AKT3: variants seen among roughly 807,000 people sequenced by gnomAD.
AKT3 encodes AKT serine/threonine kinase 3.
Under a neutral mutation model 65.3 loss-of-function variants are expected in AKT3, and 15 were observed. The ratio of observed to expected loss-of-function variants is 0.23; its 90% CI spans 0.15 to 0.35. The LOEUF (loss-of-function observed/expected upper bound fraction) is 0.35, where lower values mean the gene tolerates loss of function less well. Ranked by LOEUF, AKT3 falls within the 10% of genes least tolerant of loss-of-function variation. The pLI is 1.00. For missense variants in AKT3, 243 were observed against 576.5 expected, an observed-to-expected ratio of 0.42 and a Z score of 5.92; for synonymous variants, 206 against 183.8, an observed-to-expected ratio of 1.12 and a Z score of -0.98.
At chr1:243,523,366 A>G (rs1015264006) in intron 12 of AKT3, among the ~76,000 whole-genome samples, 6 of 152,070 alleles carry the variant, frequency 3.9e-5, no homozygotes, top group African/African-American at 1.4e-4. Flanking sequence ...CTGGGCAGCT[A>G]AACATCAGAA....
At chr1:243,707,654 A>G (rs190842463) in intron 2 of AKT3, among the ~76,000 whole-genome samples, 33 of 152,248 alleles carry the variant, frequency 2.2e-4, no homozygotes, top group African/African-American at 7.9e-4. Flanking sequence ...GGTTTGTTAC[A>G]TGGATATACA....
intron 2 of AKT3, among the ~76,000 whole-genome samples, chr1:243,802,879 T>C (rs761676459): frequency 2.6e-5 from 4 of 152,198 alleles, no homozygotes; most frequent in Non-Finnish European, 1.5e-5. Flanking sequence ...CCAGGCACAG[T>C]GGCTCATGCC....
chr1:243,610,430 A>G (rs1677785709), intron 8 of AKT3, among the ~76,000 whole-genome samples: 1 of 152,248 alleles, frequency 6.6e-6, no homozygotes, highest in South Asian at 2.1e-4. Flanking sequence ...GTAAATAGGT[A>G]ATTGTAAAAC....
intron 4 of AKT3, among the ~76,000 whole-genome samples, chr1:243,652,511 C>A (rs1340374878): frequency 3.3e-5 from 5 of 151,998 alleles, no homozygotes; most frequent in Non-Finnish European, 7.4e-5. Flanking sequence ...ATTGAAAAGA[C>A]CATCAACACT....
intron 2 of AKT3, among the ~76,000 whole-genome samples, chr1:243,783,703 T>C (rs901167545): frequency 6.6e-6 from 1 of 152,224 alleles, no homozygotes; most frequent in African/African-American, 2.4e-5. Flanking sequence ...TATAGTCTTC[T>C]GACTGCTTGA....
intron 2 of AKT3, among the ~76,000 whole-genome samples, chr1:243,818,900 C>T (rs1693690935): frequency 6.6e-6 from 1 of 152,120 alleles, no homozygotes; most frequent in Admixed American, 6.5e-5. Flanking sequence ...TGCAATGGCC[C>T]ACATGGGAGC....
intron 2 of AKT3, among the ~76,000 whole-genome samples, chr1:243,819,318 G>T (rs931671788): frequency 6.6e-6 from 1 of 152,208 alleles, no homozygotes; most frequent in African/African-American, 2.4e-5. Flanking sequence ...GTGCCAGGGA[G>T]ACTGGACGGT....
intron 12 of AKT3, among the ~76,000 whole-genome samples, chr1:243,515,562 A>C (rs1670298368): frequency 6.6e-6 from 1 of 152,172 alleles, no homozygotes; most frequent in South Asian, 2.1e-4. Flanking sequence ...ATGTTAAATC[A>C]ATCTTATATT....
At chr1:243,552,027 C>T (rs1456093304) in intron 11 of AKT3, among the ~76,000 whole-genome samples, 2 of 152,014 alleles carry the variant, frequency 1.3e-5, no homozygotes, top group African/African-American at 2.4e-5. Context: ...CGGTGGCTCA[C>T]GACTGTAATC....
chr1:243,819,436 C>T lies in AKT3; in HGVS notation c.46+23689G>A, dbSNP rs1401672628. ...ACCCATCCCTCCTCACTGGGCAGGG[C>T]CTCCCTGCAGGAATTTTAGCAACTC... On this transcript the variant is annotated intron_variant, in intron 2 of 13. Transcript: ENST00000673466. Among the ~76,000 whole-genome samples the T allele has an allele frequency of 2.6e-5, 4 of 152,226 alleles. No homozygotes were observed. The East Asian group carries it at 7.7e-4, about 29-fold the overall frequency.
At chr1:243,850,613 T>C (rs938256336), upstream of AKT3, among the ~76,000 whole-genome samples, 3 of 149,832 alleles carry the variant, frequency 2.0e-5, no homozygotes, top group Non-Finnish European at 3.0e-5. Context: ...CCGCGGGGCT[T>C]GTTGTTGACT....
intron 11 of AKT3, among the ~76,000 whole-genome samples, chr1:243,550,127 C>T (rs933027923): frequency 6.6e-6 from 1 of 152,152 alleles, no homozygotes; most frequent in African/African-American, 2.4e-5. Flanking sequence ...TTCAACAGTA[C>T]TTTGTATGTA....
At chr1:243,562,733 A>G (rs1673884939) in intron 10 of AKT3, among the ~76,000 whole-genome samples, 1 of 152,148 alleles carries the variant, frequency 6.6e-6, no homozygotes, top group Non-Finnish European at 1.5e-5. Context: ...AGGCAGCAGA[A>G]CTGTCGGACA....
intron 2 of AKT3, among the ~76,000 whole-genome samples, chr1:243,786,481 A>G (rs1691268893): frequency 6.6e-6 from 1 of 152,228 alleles, no homozygotes; most frequent in African/African-American, 2.4e-5. Flanking sequence ...GTGCAGCCCC[A>G]ATCTTAATAG....
chr1:243,500,296 T>A lies in AKT3; in HGVS notation c.*4953A>T. 1 of 204,686 alleles carries A rather than the reference T, an allele frequency of 4.9e-6. No individual in the cohort carries two copies. Among genetic ancestry groups the A allele is most frequent in the Non-Finnish European group, 9.0e-6 (1 of 111,026 alleles). The allele number at this position is 204,686 out of a possible 1,614,324, so 12.7% of individuals were successfully genotyped here. A position where few individuals can be genotyped will look rare whatever the true frequency, so the allele number is the denominator to read the frequency against. ...CATTTTATTTATTTATCGTCCTACT[T>A]TGTGCACAATCAATCAATCAGGAGA... is the stretch of plus-strand genomic sequence containing the variant. On this transcript the variant is annotated 3_prime_UTR_variant, in exon 14 of 14. Transcript: ENST00000673466.
At chr1:243,846,324 A>AT (rs1479451360) in intron 1 of AKT3, among the ~76,000 whole-genome samples, 3 of 152,098 alleles carry the variant, frequency 2.0e-5, no homozygotes, top group Non-Finnish European at 2.9e-5. Context: ...CTAATTATAA[A>AT]TTTTTTTAAA....
At chr1:243,640,172 TA>T (rs1680265615) in intron 5 of AKT3, among the ~76,000 whole-genome samples, 1 of 152,162 alleles carries the variant, frequency 6.6e-6, no homozygotes, top group Non-Finnish European at 1.5e-5. Context: ...TTAATTCAAC[TA>T]AAAATCAAAC....
intron 2 of AKT3, among the ~76,000 whole-genome samples, chr1:243,826,989 T>C (rs1572415656): frequency 6.6e-6 from 1 of 152,022 alleles, no homozygotes; most frequent in Non-Finnish European, 1.5e-5. Context: ...TTTATATAAA[T>C]TAATAAAATA....
intron 9 of AKT3, among the ~76,000 whole-genome samples, chr1:243,566,419 C>T (rs1185386740): frequency 6.6e-6 from 1 of 152,036 alleles, no homozygotes; most frequent in Non-Finnish European, 1.5e-5. Context: ...CCTGGGCAAA[C>T]CAAGACAGCT....
Sources: gnomAD v4.1 joint callset for allele counts (sites outside exome capture counted in the v4.1 genomes callset) on GRCh38, gnomAD v4.1.1 for gene constraint, MANE v1.5 for transcripts, NCBI Gene and HGNC (gene_info 2026-07-23, HGNC 2026-07-21) for gene names.